Variants in ABCA8 observed in about 807,000 individuals in gnomAD.
The protein encoded by ABCA8 is ATP binding cassette subfamily A member 8, also known as ABC-type organic anion transporter ABCA8.
In ABCA8, 177 loss-of-function variants were observed where a neutral mutation model predicts 192.3. The observed-to-expected ratio is 0.92, with a 90% confidence interval of 0.81 to 1.04. The LOEUF is 1.04. Ranked by LOEUF, ABCA8 falls within the 50% of genes least tolerant of loss-of-function variation. ABCA8 has a pLI of 0.00. For missense variants in ABCA8, 1,915 were observed against 1,904.8 expected, an observed-to-expected ratio of 1.01 and a Z score of -0.10; for synonymous variants, 642 against 690.2, an observed-to-expected ratio of 0.93 and a Z score of 1.09.
intron 37 of ABCA8, among the ~76,000 whole-genome samples, chr17:68,872,766 T>C (rs1262134786): frequency 6.6e-6 from 1 of 151,972 alleles, no homozygotes; most frequent in East Asian, 1.9e-4. Flanking sequence ...TGTGTGTGTT[T>C]GTGTCTCACT....
intron 24 of ABCA8, among the ~76,000 whole-genome samples, chr17:68,887,925 T>TATATTTATA: frequency 9.9e-6 from 1 of 101,016 alleles, no homozygotes; most frequent in Non-Finnish European, 1.9e-5. Context: ...TATATATATA[T>TATATTTATA]TATATATGGA....
intron 30 of ABCA8, 39 bp from the exon 31 acceptor site, chr17:68,882,019 C>G (rs760646229): frequency 6.5e-7 from 1 of 1,546,258 alleles, no homozygotes; most frequent in Non-Finnish European, 8.9e-7. Flanking sequence ...GACCTTAATT[C>G]TCTCCATTAG....
Position 68,876,560 on chromosome 17 carries a change from A to G in ABCA8, c.4276-6T>C. Reference sequence around the variant, plus strand: ...ATGCTCAGGACAAAGCACAGCTGCAACGGGAGGAACAGCCCATCTGGTTCC... The same window carrying G: ...ATGCTCAGGACAAAGCACAGCTGCAGCGGGAGGAACAGCCCATCTGGTTCC... On this transcript the variant is annotated splice_region_variant and splice_polypyrimidine_tract_variant and intron_variant, in intron 34 of 39. Transcript: ENST00000586539. 1.2e-6 allele frequency: 2 copies of G among 1,614,132 alleles called. No individual in the cohort carries two copies. Among genetic ancestry groups the G allele is most frequent in the Non-Finnish European group, 1.7e-6 (2 of 1,180,016 alleles).
At chr17:68,924,344 C>A (rs1159300671) in intron 11 of ABCA8, among the ~76,000 whole-genome samples, 120 of 130,758 alleles carry the variant, frequency 9.2e-4, no homozygotes, top group South Asian at 9.8e-4. Context: ...AAAATTCCGT[C>A]AAAAAAAAAA....
chr17:68,922,436 G>A (rs2067570263), intron 11 of ABCA8, 136 bp from the exon 12 acceptor site: 1 of 592,368 alleles, frequency 1.7e-6, no homozygotes, highest in Non-Finnish European at 2.8e-6. Flanking sequence ...AGTCATAGCT[G>A]TGTGACAGAA....
intron 17 of ABCA8, among the ~76,000 whole-genome samples, chr17:68,916,094 A>C (rs1395144374): frequency 6.6e-6 from 1 of 152,050 alleles, no homozygotes; most frequent in Admixed American, 6.5e-5. Flanking sequence ...TTTTATGGAG[A>C]TAGTAGAAGG....
chr17:68,884,365 C>A lies in ABCA8; in HGVS notation c.3581G>T (p.Arg1194Leu), dbSNP rs550451294. Residue 1194 changes from arginine to leucine, a missense_variant, in exon 28 of 40, where the codon CGA becomes CTA. Arg to Leu is a moderately radical substitution (Grantham distance 102, BLOSUM62 -2). Transcript: ENST00000586539. ...TACCAGAAATGGCTGTACATCCATT[C>A]GTTCTTCAGAAAAGAGAGAAGAAAA... ...LLFSSLFSEE[R>L]MDVQPFLVFL... 1 of 1,590,794 alleles carries A rather than the reference C, an allele frequency of 6.3e-7. No individual in the cohort carries two copies. Among genetic ancestry groups the A allele is most frequent in the Non-Finnish European group, 8.5e-7 (1 of 1,172,120 alleles).
rs892323075 is a variant in ABCA8, at chr17:68,955,306, G to A, written c.-254C>T. 1 of 152,116 alleles carries A rather than the reference G, an allele frequency of 6.6e-6. No individual in the cohort carries two copies. Among genetic ancestry groups the A allele is most frequent in the Non-Finnish European group, 1.5e-5 (1 of 68,022 alleles). The allele number at this position is 152,116 out of a possible 1,614,324, so 9.4% of individuals were successfully genotyped here. A position where few individuals can be genotyped will look rare whatever the true frequency, so the allele number is the denominator to read the frequency against. On this transcript the variant is annotated 5_prime_UTR_variant, in exon 1 of 40. Transcript: ENST00000586539. Reference sequence around the variant, plus strand: ...AAGAAAGTTATTCATATTTTCTCCTGGTCTCTACCATGTATCTAGAATTTG... The same window carrying A: ...AAGAAAGTTATTCATATTTTCTCCTAGTCTCTACCATGTATCTAGAATTTG...
At chr17:68,902,395 A>G (rs1191318143) in intron 21 of ABCA8, among the ~76,000 whole-genome samples, 2 of 152,240 alleles carry the variant, frequency 1.3e-5, no homozygotes, top group African/African-American at 2.4e-5. Context: ...CTGTGGATAC[A>G]CTGAAAACCA....
rs1421517557 is a variant in ABCA8, at chr17:68,911,132, C to T, written c.2139-3253G>A. Among the ~76,000 whole-genome samples the T allele has an allele frequency of 2.6e-5, 4 of 152,130 alleles. No homozygotes were observed. Among genetic ancestry groups the T allele is most frequent in the Admixed American group, 6.5e-5 (1 of 15,274 alleles). ...CTACAGTGGAGTAGAGAGCACCAAG[C>T]GGACTCCTGGGGTCCTGGATTCTAG... On this transcript the variant is annotated intron_variant, in intron 17 of 39. Transcript: ENST00000586539. The surrounding 1 kb of genome is among the most constrained non-coding windows in gnomAD (Gnocchi z 5.7).
intron 4 of ABCA8, among the ~76,000 whole-genome samples, chr17:68,939,622 C>A (rs529723823): frequency 6.6e-6 from 1 of 152,030 alleles, no homozygotes; most frequent in Admixed American, 6.6e-5. Context: ...GAGAACCAAC[C>A]TGTGAATGAA....
chr17:68,929,533 T>A (rs4147978), intron 8 of ABCA8, 28 bp downstream of exon 8: 2 of 1,599,832 alleles, frequency 1.3e-6, no homozygotes, highest in East Asian at 4.5e-5. Context: ...TATAGGTGGA[T>A]GGAAAGATAT....
Position 68,887,320 on chromosome 17 carries a change from G to T in ABCA8, c.3315+16C>A. 6.4e-7 allele frequency: 1 copy of T among 1,574,144 alleles called. No homozygotes were observed. Among genetic ancestry groups the T allele is most frequent in the Non-Finnish European group, 8.7e-7 (1 of 1,155,430 alleles). On this transcript the variant is annotated intron_variant, in intron 25 of 39. Coordinates refer to ENST00000586539, the MANE Select transcript of ABCA8 (RefSeq NM_001288985.2). Reference sequence around the variant, plus strand: ...ATATTGTGAATATTGTCACTTACTTGGATATTGTCACTTACTTGAATAATA... The same window carrying T: ...ATATTGTGAATATTGTCACTTACTTTGATATTGTCACTTACTTGAATAATA...
At chr17:68,918,577 C>A (rs2067448023) in intron 14 of ABCA8, 31 bp from the exon 15 acceptor site, 6 of 1,449,448 alleles carry the variant, frequency 4.1e-6, no homozygotes, top group Non-Finnish European at 5.4e-6. Flanking sequence ...ATGTCATACA[C>A]CAAAATTTAT....
intron 25 of ABCA8, 99 bp downstream of exon 25, chr17:68,887,237 T>C: frequency 7.4e-7 from 1 of 1,348,422 alleles, no homozygotes; most frequent in Non-Finnish European, 1.0e-6. Flanking sequence ...TTCTTTAATT[T>C]ATGACCATAT....
At chr17:68,898,322 A>G (rs1026247017) in intron 21 of ABCA8, among the ~76,000 whole-genome samples, 2 of 152,232 alleles carry the variant, frequency 1.3e-5, no homozygotes, top group Non-Finnish European at 2.9e-5. Context: ...CAATATATCC[A>G]TGTAGCAAAA....
intron 7 of ABCA8, chr17:68,931,863 G>GT (rs1234038160): frequency 1.4e-5 from 2 of 140,718 alleles, no homozygotes; most frequent in African/African-American, 5.3e-5. Flanking sequence ...ATTATTCTGT[G>GT]TAGGTATCTC....
chr17:68,872,695 G>C (rs929691574), intron 37 of ABCA8, among the ~76,000 whole-genome samples: 4 of 152,100 alleles, frequency 2.6e-5, no homozygotes, highest in Non-Finnish European at 5.9e-5. Context: ...AGTGGGACAA[G>C]ATGTGGAGAT....
intron 21 of ABCA8, among the ~76,000 whole-genome samples, chr17:68,900,747 T>G (rs1013716767): frequency 6.6e-6 from 1 of 152,092 alleles, no homozygotes; most frequent in African/African-American, 2.4e-5. Flanking sequence ...TGACCAAGTA[T>G]GATTTATCCT....
Sources: gnomAD v4.1 joint callset for allele counts (sites outside exome capture counted in the v4.1 genomes callset) on GRCh38, gnomAD v4.1.1 for gene constraint, Gnocchi (gnomAD v3.1) non-coding constraint, MANE v1.5 for transcripts, NCBI Gene and HGNC (gene_info 2026-07-23, HGNC 2026-07-21) for gene names.